Variants in AUTS2 observed in about 807,000 individuals in gnomAD.
AUTS2 encodes autism susceptibility gene 2 protein.
Under a neutral mutation model 112.4 loss-of-function variants are expected in AUTS2, and 17 were observed. The observed-to-expected ratio is 0.15, with a 90% CI of 0.10 to 0.23. The LOEUF is 0.23. Ranked by LOEUF, AUTS2 falls within the 10% of genes least tolerant of loss-of-function variation. AUTS2 has a pLI of 1.00. For missense variants in AUTS2, 1,510 were observed against 1,701.6 expected (o/e 0.89, Z 1.98); for synonymous variants, 751 against 702.7 (o/e 1.07, Z -1.09).
chr7:69,782,976 C>T (rs796732432), intron 1 of AUTS2, among the ~76,000 whole-genome samples: 2 of 152,176 alleles, frequency 1.3e-5, no homozygotes, highest in African/African-American at 4.8e-5. Context: ...GGCTTTACCT[C>T]TTACTCGTAC....
At chr7:69,782,399 C>G (rs1405411289) in intron 1 of AUTS2, among the ~76,000 whole-genome samples, 3 of 151,040 alleles carry the variant, frequency 2.0e-5, no homozygotes, top group African/African-American at 7.3e-5. Flanking sequence ...TTAAAAGAAC[C>G]TTCATTACAT....
intron 2 of AUTS2, among the ~76,000 whole-genome samples, chr7:69,954,336 C>G (rs917047184): frequency 2.0e-5 from 3 of 152,092 alleles, no homozygotes; most frequent in Non-Finnish European, 4.4e-5. Context: ...GGTTAGAGTG[C>G]AGTGGTGCTA....
chr7:70,430,757 CTAAA>C (rs1795623448), intron 4 of AUTS2, among the ~76,000 whole-genome samples: 1 of 150,354 alleles, frequency 6.7e-6, no homozygotes, highest in Non-Finnish European at 1.5e-5. Flanking sequence ...TTGAAACAAT[CTAAA>C]TAACCAGCAC....
chr7:69,740,783 A>G (rs1787231469), intron 1 of AUTS2, among the ~76,000 whole-genome samples: 1 of 152,120 alleles, frequency 6.6e-6, no homozygotes, highest in Non-Finnish European at 1.5e-5. Flanking sequence ...CGGCCTCCCA[A>G]GGTGCTGGGA....
intron 5 of AUTS2, among the ~76,000 whole-genome samples, chr7:70,501,251 C>A (rs1798761467): frequency 6.6e-6 from 1 of 152,118 alleles, no homozygotes; most frequent in Admixed American, 6.5e-5. Context: ...CTGGGGGGCA[C>A]ATGATCAGAA....
intron 1 of AUTS2, among the ~76,000 whole-genome samples, chr7:69,706,220 G>A (rs1024200230): frequency 4.6e-5 from 7 of 152,310 alleles, no homozygotes; most frequent in African/African-American, 1.7e-4. Context: ...TTGGGGATGG[G>A]CAGTGGCTGA....
chr7:70,756,431 CATA>C (rs1738291768), intron 6 of AUTS2, among the ~76,000 whole-genome samples: 1 of 151,562 alleles, frequency 6.6e-6, no homozygotes, highest in Non-Finnish European at 1.5e-5. Context: ...CCAGACCCAG[CATA>C]ATAATAAGAA....
Position 69,599,894 on chromosome 7 carries a change from A to G in AUTS2, c.241A>G (p.Thr81Ala), listed in dbSNP as rs1004195592. 9 of 1,613,310 alleles carry G rather than the reference A, an allele frequency of 5.6e-6. No individual in the cohort carries two copies. The highest frequency in any genetic ancestry group is 6.8e-6 in the Non-Finnish European group (8 of 1,179,922). The part of the protein sequence containing the change: ...RPPRRKRRES[T>A]SAEEDIIDGF... Reference sequence around the variant, plus strand: ...CCCGCGGAGGAAGCGGAGAGAGTCCACCTCGGCAGAAGAGGACATCATTGA... The same window carrying G: ...CCCGCGGAGGAAGCGGAGAGAGTCCGCCTCGGCAGAAGAGGACATCATTGA... Residue 81 changes from threonine to alanine, a missense_variant, in exon 1 of 19, where the codon ACC becomes GCC. Thr to Ala is a moderately conservative substitution (Grantham distance 58). Around this residue, in one of 3 missense-constraint regions of AUTS2, gnomAD observed 535 missense variants for 594.3 expected, o/e 0.90. Transcript: ENST00000342771. This position sits in a 1 kb window ranked among gnomAD's most constrained non-coding sequence, Gnocchi z 7.0.
At chr7:69,766,662 C>A (rs1409776706) in intron 1 of AUTS2, among the ~76,000 whole-genome samples, 5 of 152,180 alleles carry the variant, frequency 3.3e-5, no homozygotes, top group Admixed American at 2.0e-4. Flanking sequence ...TACCTCTGAG[C>A]TTTGACACAC....
intron 5 of AUTS2, among the ~76,000 whole-genome samples, chr7:70,494,934 T>A (rs1798391323): frequency 6.6e-6 from 1 of 152,178 alleles, no homozygotes; most frequent in African/African-American, 2.4e-5. Flanking sequence ...GGAGAGATTA[T>A]GTTGGCCTGT....
chr7:69,857,206 C>G (rs1436465678), intron 1 of AUTS2, among the ~76,000 whole-genome samples: 1 of 152,110 alleles, frequency 6.6e-6, no homozygotes, highest in Non-Finnish European at 1.5e-5. Flanking sequence ...CTAAGCAGCC[C>G]CTTTGAAATG....
intron 4 of AUTS2, among the ~76,000 whole-genome samples, chr7:70,344,941 A>G (rs1451308239): frequency 1.3e-5 from 2 of 152,214 alleles, no homozygotes; most frequent in Admixed American, 1.3e-4. Flanking sequence ...CTCTTCCAGC[A>G]TATGCTATTA....
rs546202456 is a variant in AUTS2 at position 69,675,282 on chromosome 7, A to G, written c.309+75320A>G. ...TAGAACTTTTTTAGACGTACATGAAACTTGAATCTTGCTATTTGTTTCCAT... is the reference window on the plus strand; with the variant it reads ...TAGAACTTTTTTAGACGTACATGAAGCTTGAATCTTGCTATTTGTTTCCAT... On this transcript the variant is annotated intron_variant, in intron 1 of 18. Coordinates refer to ENST00000342771, the MANE Select transcript of AUTS2 (RefSeq NM_015570.4). 3.9e-5 allele frequency among the ~76,000 whole-genome samples: 6 copies of G among 152,232 alleles called. No homozygotes were observed. In the East Asian group the frequency reaches 1.2e-3, roughly 29 times the overall value.
At chr7:70,782,533 G>C (rs959537273) in intron 15 of AUTS2, 1 of 152,094 alleles carries the variant, frequency 6.6e-6, no homozygotes, top group African/African-American at 2.4e-5. Flanking sequence ...CAGCCCTCTT[G>C]GTATTAAGGG....
chr7:70,774,688 A>G (rs1046697900), intron 12 of AUTS2: 5 of 152,540 alleles, frequency 3.3e-5, no homozygotes, highest in African/African-American at 1.2e-4. Flanking sequence ...CTGAAGTTAT[A>G]CGATAGATAC....
chr7:70,156,219 A>T (rs1247859752), intron 4 of AUTS2, among the ~76,000 whole-genome samples: 1 of 152,184 alleles, frequency 6.6e-6, no homozygotes, highest in Admixed American at 6.5e-5. Context: ...GACATAGAAT[A>T]TGCAAAGTCC....
chr7:69,647,893 A>C (rs114345028), intron 1 of AUTS2, among the ~76,000 whole-genome samples: 5,221 of 152,246 alleles, frequency 0.034, 127 homozygotes, highest in Middle Eastern at 0.082. Context: ...TTTGGCTTGC[A>C]GCTGCATAAT....
rs186490147 is a variant in AUTS2 at position 70,597,487 on chromosome 7, G to A, written c.691-101082G>A. 2.2e-4 allele frequency among the ~76,000 whole-genome samples: 34 copies of A among 152,326 alleles called. 1 individual carries two copies. In the East Asian group the frequency reaches 5.4e-3, roughly 24 times the overall value. On this transcript the variant is annotated intron_variant, in intron 5 of 18. Transcript: ENST00000342771. ...GCTGTAAATGTTGATAGCTGAAGGG[G>A]ATAGACAAGCTTCATCGAAGTTACT...
At chr7:69,779,920 A>G (rs1204924986) in intron 1 of AUTS2, among the ~76,000 whole-genome samples, 4 of 151,966 alleles carry the variant, frequency 2.6e-5, no homozygotes, top group Admixed American at 6.6e-5. Flanking sequence ...CAGTGGTGCA[A>G]TTAGAGCTCA....
Sources: allele counts gnomAD v4.1 joint callset (sites outside exome capture counted in the v4.1 genomes callset), GRCh38; gene constraint gnomAD v4.1.1; regional missense constraint gnomAD v4.1.1; non-coding constraint Gnocchi (gnomAD v3.1); transcripts MANE v1.5; gene names NCBI Gene and HGNC (gene_info 2026-07-23, HGNC 2026-07-21).